Variants in CTNNA2 observed in about 807,000 individuals in gnomAD.
CTNNA2 encodes the protein catenin alpha 2.
CTNNA2 carries 42 observed loss-of-function variants against 101.0 expected under a neutral mutation model. The ratio of observed to expected loss-of-function variants is 0.42; its 90% CI spans 0.32 to 0.54. The LOEUF is 0.54. Among genes scored for constraint, CTNNA2 ranks in the 20% least tolerant of loss-of-function variants. The pLI, the probability that CTNNA2 is intolerant of heterozygous loss-of-function variation, is 0.14. For synonymous variants in CTNNA2, 450 were observed against 456.4 expected (o/e 0.99, Z 0.18); for missense variants, 871 against 1,223.1 (o/e 0.71, Z 4.29).
At chr2:79,480,679 A>G (rs544661875) in intron 4 of CTNNA2, among the ~76,000 whole-genome samples, 2 of 152,264 alleles carry the variant, frequency 1.3e-5, no homozygotes, top group East Asian at 3.9e-4. Flanking sequence ...CATTCTGCTC[A>G]CTGTGTGATT....
intron 7 of CTNNA2, among the ~76,000 whole-genome samples, chr2:80,297,185 G>A (rs1197935240): frequency 1.3e-5 from 2 of 152,200 alleles, no homozygotes; most frequent in Non-Finnish European, 2.9e-5. Flanking sequence ...CAACAAGAAT[G>A]TGTTGAGCAT....
At chr2:80,553,225 A>G in intron 11 of CTNNA2, among the ~76,000 whole-genome samples, 1 of 74,654 alleles carries the variant, frequency 1.3e-5, no homozygotes, top group African/African-American at 4.5e-5. Flanking sequence ...CTCCGTCTCA[A>G]AAAAAAAAAT....
chr2:79,988,052 A>G (rs959450476), intron 7 of CTNNA2, among the ~76,000 whole-genome samples: 6 of 152,232 alleles, frequency 3.9e-5, no homozygotes, highest in Non-Finnish European at 7.3e-5. Context: ...ACTGAATGGC[A>G]GACTTCCCTG....
At chr2:79,982,073 C>G (rs1019355654) in intron 7 of CTNNA2, among the ~76,000 whole-genome samples, 2 of 149,822 alleles carry the variant, frequency 1.3e-5, no homozygotes, top group Admixed American at 6.7e-5. Context: ...GGGTCTTGCT[C>G]TGTTATCCAG....
rs1176306881 is a variant in CTNNA2, at chr2:80,352,997, TATCAGTGCTTGAGAAG to T, written c.1057-40212_1057-40197del. ...ATTACATCTATTAGGACAGTACATG[TATCAGTGCTTGAGAAG>T]ACAAAACCCTCTAAATGAGTGTTCA... On this transcript the variant is annotated intron_variant, in intron 7 of 18. Transcript: ENST00000402739. 2.0e-5 allele frequency among the ~76,000 whole-genome samples: 3 copies of T among 152,048 alleles called. No individual in the cohort carries two copies. The East Asian group carries it at 5.8e-4, about 29-fold the overall frequency.
At chr2:79,970,266 C>A (rs567778065) in intron 7 of CTNNA2, among the ~76,000 whole-genome samples, 2 of 152,150 alleles carry the variant, frequency 1.3e-5, no homozygotes, top group African/African-American at 2.4e-5. Context: ...TGCTTCACCA[C>A]CAGGCCAACC....
intron 3 of CTNNA2, among the ~76,000 whole-genome samples, chr2:79,757,596 C>T (rs1012198007): frequency 6.6e-6 from 1 of 152,054 alleles, no homozygotes; most frequent in Non-Finnish European, 1.5e-5. Context: ...CAAATATGGT[C>T]GAAGACTCAA....
At chr2:79,987,526 G>A (rs1179639687) in intron 7 of CTNNA2, among the ~76,000 whole-genome samples, 1 of 152,214 alleles carries the variant, frequency 6.6e-6, no homozygotes, top group African/African-American at 2.4e-5. Context: ...ACATGGCTGT[G>A]AGGAATGAAA....
chr2:80,316,092 G>A lies in CTNNA2; in HGVS notation c.1057-77119G>A, dbSNP rs1573694860. Among the ~76,000 whole-genome samples, 3 of 152,260 alleles carry A rather than the reference G, an allele frequency of 2.0e-5. No homozygotes were observed. The East Asian group carries it at 5.8e-4, about 29-fold the overall frequency. On this transcript the variant is annotated intron_variant, in intron 7 of 18. Coordinates refer to ENST00000402739, the MANE Select transcript of CTNNA2 (RefSeq NM_001282597.3). Reference sequence around the variant, plus strand: ...TGCTATCTTCTCTTGTTGAGTGATAGATCTTTGATTTTTAAAGGTGCCAGA... The same window carrying A: ...TGCTATCTTCTCTTGTTGAGTGATAAATCTTTGATTTTTAAAGGTGCCAGA...
chr2:80,391,530 A>T (rs1677517444), intron 7 of CTNNA2, among the ~76,000 whole-genome samples: 1 of 152,226 alleles, frequency 6.6e-6, no homozygotes, highest in East Asian at 1.9e-4. Flanking sequence ...AGGCCACAGG[A>T]AATTATGATT....
At chr2:80,179,424 A>G (rs1300402917) in intron 7 of CTNNA2, among the ~76,000 whole-genome samples, 1 of 151,970 alleles carries the variant, frequency 6.6e-6, no homozygotes, top group Non-Finnish European at 1.5e-5. Context: ...CCCAGGCTGG[A>G]GTGCAGTGGC....
chr2:80,395,412 A>G (rs1677917259), intron 8 of CTNNA2, among the ~76,000 whole-genome samples: 1 of 152,230 alleles, frequency 6.6e-6, no homozygotes, highest in East Asian at 1.9e-4. Context: ...CTGCCTTTCT[A>G]AAATGACGAT....
At chr2:79,287,328 G>A (rs1321149193) in intron 2 of CTNNA2, among the ~76,000 whole-genome samples, 4 of 152,246 alleles carry the variant, frequency 2.6e-5, no homozygotes, top group East Asian at 3.9e-4. Flanking sequence ...GAGGAGAGTC[G>A]CTCTGCTTTT....
intron 7 of CTNNA2, among the ~76,000 whole-genome samples, chr2:80,322,534 C>G (rs1166201897): frequency 2.0e-5 from 3 of 151,652 alleles, no homozygotes; most frequent in Non-Finnish European, 4.4e-5. Flanking sequence ...TGCCTGCAGC[C>G]CCCGGGCCCT....
intron 7 of CTNNA2, among the ~76,000 whole-genome samples, chr2:79,954,502 A>G (rs985091721): frequency 1.3e-5 from 2 of 152,086 alleles, no homozygotes; most frequent in Admixed American, 1.3e-4. Context: ...ATGTCTTCCT[A>G]TTTGTAAAGC....
At chr2:80,290,897 C>T (rs561028805) in intron 7 of CTNNA2, among the ~76,000 whole-genome samples, 17 of 152,274 alleles carry the variant, frequency 1.1e-4, no homozygotes, top group African/African-American at 3.4e-4. Flanking sequence ...CCAGCAATGA[C>T]GTAAAACACT....
intron 7 of CTNNA2, among the ~76,000 whole-genome samples, chr2:80,326,318 A>G (rs749414769): frequency 6.6e-6 from 1 of 152,252 alleles, no homozygotes; most frequent in African/African-American, 2.4e-5. Flanking sequence ...AGTACACAGT[A>G]CATGGAGATT....
intron 7 of CTNNA2, among the ~76,000 whole-genome samples, chr2:80,122,802 G>A (rs1701914521): frequency 6.6e-6 from 1 of 152,140 alleles, no homozygotes; most frequent in Admixed American, 6.6e-5. Flanking sequence ...CCGTTGGGTG[G>A]CTTACATGAC....
At chr2:80,413,602 T>C (rs1679782941) in intron 8 of CTNNA2, among the ~76,000 whole-genome samples, 1 of 152,214 alleles carries the variant, frequency 6.6e-6, no homozygotes, top group South Asian at 2.1e-4. Context: ...ACTGACTGAT[T>C]ACCCTCATTG....
Sources: allele counts gnomAD v4.1 joint callset (sites outside exome capture counted in the v4.1 genomes callset), GRCh38; gene constraint gnomAD v4.1.1; transcripts MANE v1.5; gene names NCBI Gene and HGNC (gene_info 2026-07-23, HGNC 2026-07-21).